KMT2C: variants seen among roughly 807,000 people sequenced by gnomAD.
The protein encoded by KMT2C is histone-lysine N-methyltransferase 2C.
Under a neutral mutation model 507.9 loss-of-function variants are expected in KMT2C, and 88 were observed. That is an observed-to-expected ratio of 0.17 (90% confidence interval 0.15 to 0.21). The LOEUF is 0.21. KMT2C is among the 10% of genes least tolerant of loss of function. KMT2C has a pLI of 1.00. For synonymous variants in KMT2C, 2,049 were observed against 2,080.8 expected (o/e 0.98, Z 0.42); for missense variants, 4,954 against 5,957.8 (o/e 0.83, Z 5.55).
chr7:152,356,386 C>T (rs994017604), intron 2 of KMT2C, among the ~76,000 whole-genome samples: 9 of 151,720 alleles, frequency 5.9e-5, no homozygotes, highest in African/African-American at 2.2e-4. Context: ...GCCAGCCTGG[C>T]AAACACTGGG....
At chr7:152,355,704 T>C (rs1563969162) in intron 2 of KMT2C, among the ~76,000 whole-genome samples, 1 of 152,092 alleles carries the variant, frequency 6.6e-6, no homozygotes, top group Admixed American at 6.5e-5. Context: ...GTCTGGGCAA[T>C]ATGAGATCAT....
At chr7:152,429,277 G>C (rs968697133) in intron 1 of KMT2C, among the ~76,000 whole-genome samples, 19 of 152,248 alleles carry the variant, frequency 1.2e-4, no homozygotes, top group Middle Eastern at 3.4e-3. Flanking sequence ...TAGAAGTATA[G>C]AAAACTTAAG....
At chr7:152,159,166 A>T in intron 43 of KMT2C, 94 bp from the exon 44 acceptor site, 1 of 1,026,932 alleles carries the variant, frequency 9.7e-7, no homozygotes, top group Non-Finnish European at 1.5e-6. Context: ...TCATCCTAAC[A>T]TGGCACTAAA....
intron 1 of KMT2C, among the ~76,000 whole-genome samples, chr7:152,375,156 C>T (rs576864296): frequency 2.0e-5 from 3 of 152,272 alleles, no homozygotes; most frequent in South Asian, 4.1e-4. Context: ...GGTTCTCCTG[C>T]CTCAGCCTCA....
chr7:152,310,576 C>CA (rs1021186782), intron 5 of KMT2C, among the ~76,000 whole-genome samples: 4 of 151,916 alleles, frequency 2.6e-5, no homozygotes, highest in Non-Finnish European at 4.4e-5. Flanking sequence ...AAATAAAAAC[C>CA]AAAAAAATGC....
At chr7:152,309,402 C>T (rs2096650015) in intron 6 of KMT2C, among the ~76,000 whole-genome samples, 1 of 148,996 alleles carries the variant, frequency 6.7e-6, no homozygotes, top group South Asian at 2.1e-4. Flanking sequence ...TGGCTCACTG[C>T]AACCTCAATC....
Position 152,159,014 on chromosome 7 carries a change from G to A in KMT2C, c.11519C>T (p.Thr3840Ile), listed in dbSNP as rs2092283410. The change falls in exon 44 of 59, where the codon ACA becomes ATA. Residue 3840 changes from threonine to isoleucine, a missense_variant. Thr to Ile is a moderately conservative substitution (Grantham distance 89). Coordinates refer to ENST00000262189, the MANE Select transcript of KMT2C (RefSeq NM_170606.3). ...GFGCGNQLPKTDGGSETKKQR... is the reference protein window; with the variant it reads ...GFGCGNQLPKIDGGSETKKQR... Reference sequence around the variant, plus strand: ...TTTCTTGGTTTCACTTCCTCCATCTGTTTTTGGCAACTGGTTGCCACATCC... The same window carrying A: ...TTTCTTGGTTTCACTTCCTCCATCTATTTTTGGCAACTGGTTGCCACATCC... 1.2e-6 allele frequency: 2 copies of A among 1,614,134 alleles called. No homozygotes were observed. Among genetic ancestry groups the A allele is most frequent in the Admixed American group, 3.3e-5 (2 of 60,022 alleles).
chr7:152,302,645 T>C (rs2096579873), intron 6 of KMT2C, among the ~76,000 whole-genome samples: 1 of 152,030 alleles, frequency 6.6e-6, no homozygotes, highest in African/African-American at 2.4e-5. Context: ...CTTCTTTCAT[T>C]CATTCATTCA....
In KMT2C at chr7:152,255,157, A is replaced by ATGTGTGTGTG. The variant is rs112731121; in HGVS notation, c.1300-2452_1300-2443dup. ...TATATATATATATACATATATATAT[A>ATGTGTGTGTG]TGTGTGTGTGTGTGTGTGTGTGTTT... On this transcript the variant is annotated intron_variant, in intron 9 of 58. Coordinates refer to ENST00000262189, the MANE Select transcript of KMT2C (RefSeq NM_170606.3). Among the ~76,000 whole-genome samples, 27 of 128,380 alleles carry ATGTGTGTGTG rather than the reference A, an allele frequency of 2.1e-4. No homozygotes were observed. In the South Asian group the frequency reaches 6.4e-3, roughly 30 times the overall value. The allele number at this position is 128,380 out of a possible 152,430, so 84.2% of individuals were successfully genotyped here.
intron 14 of KMT2C, among the ~76,000 whole-genome samples, chr7:152,242,343 C>T (rs1483965750): frequency 6.6e-6 from 1 of 152,054 alleles, no homozygotes; most frequent in African/African-American, 2.4e-5. Context: ...ACACTAATGC[C>T]TCCACCAGTA....
In KMT2C at chr7:152,276,390, C is replaced by T. The variant is rs4460285; in HGVS notation, c.850-2523G>A. Among the ~76,000 whole-genome samples, 5 of 151,338 alleles carry T rather than the reference C, an allele frequency of 3.3e-5. No homozygotes were observed. The South Asian group carries it at 8.4e-4, about 25-fold the overall frequency. On this transcript the variant is annotated intron_variant, in intron 6 of 58. Transcript: ENST00000262189. The stretch of plus-strand genomic sequence containing the variant: ...CAAGCAAGTTAAAATATTAATAATA[C>T]AATAAGTAATATATAATACATAAGT...
chr7:152,433,916 T>C (rs948836071), intron 1 of KMT2C, among the ~76,000 whole-genome samples: 1 of 152,284 alleles, frequency 6.6e-6, no homozygotes, highest in African/African-American at 2.4e-5. Flanking sequence ...GTGTGGGGTG[T>C]GACAACATAG....
chr7:152,397,184 C>T (rs943521490), intron 1 of KMT2C, among the ~76,000 whole-genome samples: 1 of 151,642 alleles, frequency 6.6e-6, no homozygotes, highest in Non-Finnish European at 1.5e-5. Context: ...CAGATCTTAC[C>T]GCTGTAACTT....
chr7:152,194,417 T>C (rs2093903069), intron 29 of KMT2C, 23 bp downstream of exon 29: 1 of 1,610,164 alleles, frequency 6.2e-7, no homozygotes, highest in Non-Finnish European at 8.5e-7. Flanking sequence ...TTAGAAAGCC[T>C]AGATGTAGGG....
chr7:152,211,319 A>G (rs2094448980), intron 23 of KMT2C, among the ~76,000 whole-genome samples: 1 of 152,234 alleles, frequency 6.6e-6, no homozygotes, highest in Admixed American at 6.5e-5. Flanking sequence ...TAATGCTCAA[A>G]ACTTACCTTC....
At chr7:152,153,084 TTAGAC>T in intron 48 of KMT2C, 130 bp from the exon 49 acceptor site, 1 of 1,233,540 alleles carries the variant, frequency 8.1e-7, no homozygotes, top group Non-Finnish European at 1.1e-6. Context: ...CAAATTTTAT[TTAGAC>T]TTAAAGAACC....
At chr7:152,201,617 G>GGAAAAAAAAAAAAAAAAAAAAA (rs1491277955) in intron 26 of KMT2C, among the ~76,000 whole-genome samples, 1 of 22,874 alleles carries the variant, frequency 4.4e-5, no homozygotes, top group African/African-American at 8.2e-5. Context: ...CAACAAAGAT[G>GGAAAAAAAAAAAAAAAAAAAAA]AAAAAAAAAA....
chr7:152,182,746 T>C (rs1256935418), intron 35 of KMT2C, 152 bp from the exon 36 acceptor site: 4 of 783,098 alleles, frequency 5.1e-6, no homozygotes, highest in Non-Finnish European at 8.1e-6. Flanking sequence ...AGAAGAGAAA[T>C]TACTCATCAT....
intron 28 of KMT2C, 83 bp from the exon 29 acceptor site, chr7:152,194,651 T>C: frequency 2.2e-6 from 2 of 923,904 alleles, no homozygotes; most frequent in Non-Finnish European, 3.3e-6. Context: ...CTGTACTTAG[T>C]ATATAACAAT....
Sources: allele counts gnomAD v4.1 joint callset (sites outside exome capture counted in the v4.1 genomes callset), GRCh38; gene constraint gnomAD v4.1.1; transcripts MANE v1.5; gene names NCBI Gene and HGNC (gene_info 2026-07-23, HGNC 2026-07-21).